Variants in EPHA6 observed in about 807,000 individuals in gnomAD.
EPHA6 encodes the protein EPH receptor A6.
EPHA6 carries 50 observed loss-of-function variants against 112.0 expected under a neutral mutation model. The ratio of observed to expected loss-of-function variants is 0.45; its 90% CI spans 0.36 to 0.56. The LOEUF is 0.56. Ranked by LOEUF, EPHA6 falls within the 20% of genes least tolerant of loss-of-function variation. The probability of loss-of-function intolerance (pLI) is 0.00; values close to 1 mark genes in which losing one functional copy is unlikely to be tolerated. For synonymous variants in EPHA6, 529 were observed against 490.7 expected (o/e 1.08, Z -1.03); for missense variants, 1,280 against 1,417.4 (o/e 0.90, Z 1.56).
At chr3:97,630,982 T>A (rs538730388) in intron 13 of EPHA6, among the ~76,000 whole-genome samples, 100 of 152,116 alleles carry the variant, frequency 6.6e-4, no homozygotes, top group African/African-American at 2.3e-3. Context: ...AATCTCAGTT[T>A]CCATTTTCTC....
In EPHA6 at chr3:97,643,315, C is replaced by T. The variant is rs572203256; in HGVS notation, c.2784+5233C>T. Among the ~76,000 whole-genome samples the T allele has an allele frequency of 3.3e-5, 5 of 151,996 alleles. No individual in the cohort carries two copies. The South Asian group carries it at 6.3e-4, about 19-fold the overall frequency. The stretch of plus-strand genomic sequence containing the variant: ...AGCGCTAAACATGGAAAGGAACAAC[C>T]GGTACCAGCCACTGCAAAATCATGC... On this transcript the variant is annotated intron_variant, in intron 14 of 17. Coordinates refer to ENST00000389672, the MANE Select transcript of EPHA6 (RefSeq NM_001080448.3).
At chr3:97,589,718 A>G (rs894682722) in intron 11 of EPHA6, among the ~76,000 whole-genome samples, 43 of 152,176 alleles carry the variant, frequency 2.8e-4, no homozygotes, top group African/African-American at 9.7e-4. Context: ...GTGAAATGAC[A>G]CATTTTGTAT....
At chr3:96,874,854 G>C (rs893866663) in intron 2 of EPHA6, among the ~76,000 whole-genome samples, 3 of 152,080 alleles carry the variant, frequency 2.0e-5, no homozygotes, top group Non-Finnish European at 2.9e-5. Context: ...ATGCAGAAGG[G>C]TTAGAGTAGG....
chr3:96,972,479 G>A (rs1009358345), intron 2 of EPHA6, among the ~76,000 whole-genome samples: 8 of 150,946 alleles, frequency 5.3e-5, no homozygotes, highest in Middle Eastern at 3.4e-3. Flanking sequence ...AGGAAGCACA[G>A]GTAAAGACGA....
At chr3:97,018,842 A>G (rs1176846866) in intron 3 of EPHA6, among the ~76,000 whole-genome samples, 3 of 152,096 alleles carry the variant, frequency 2.0e-5, no homozygotes, top group African/African-American at 7.2e-5. Context: ...TCTGCTAAGT[A>G]GCGGGTGTTT....
chr3:97,220,689 C>T (rs775912915), intron 3 of EPHA6, among the ~76,000 whole-genome samples: 23 of 152,112 alleles, frequency 1.5e-4, no homozygotes, highest in Non-Finnish European at 2.4e-4. Flanking sequence ...TCAATTATAT[C>T]CACGTGGTCT....
chr3:96,939,973 T>C (rs2040842165), intron 2 of EPHA6, among the ~76,000 whole-genome samples: 1 of 152,144 alleles, frequency 6.6e-6, no homozygotes, highest in Non-Finnish European at 1.5e-5. Context: ...AGAGACAGTT[T>C]GTTATAATTT....
intron 5 of EPHA6, among the ~76,000 whole-genome samples, chr3:97,247,808 G>T (rs756034873): frequency 2.0e-5 from 3 of 151,990 alleles, no homozygotes; most frequent in South Asian, 4.1e-4. Context: ...ATAGGGAAAA[G>T]AAGTCAGACT....
At chr3:96,918,333 T>C (rs1394697748) in intron 2 of EPHA6, among the ~76,000 whole-genome samples, 14 of 152,202 alleles carry the variant, frequency 9.2e-5, no homozygotes. Flanking sequence ...TCTAATGTTA[T>C]TAACACATGA....
intron 7 of EPHA6, 27 bp from the exon 8 acceptor site, chr3:97,475,325 A>C (rs1193870538): frequency 6.5e-7 from 1 of 1,534,942 alleles, no homozygotes; most frequent in East Asian, 2.3e-5. Context: ...CACCCAGGGA[A>C]ATTTTAATAT....
rs114706202 is a variant in EPHA6, at chr3:97,755,580, T to C, written c.*6879T>C. Among the ~76,000 whole-genome samples, 2,221 of 152,296 alleles carry C rather than the reference T, an allele frequency of 0.015. 49 individuals carry two copies. The highest frequency in any genetic ancestry group is 0.051 in the African/African-American group (2,105 of 41,572). On this transcript the variant is annotated 3_prime_UTR_variant, in exon 18 of 18. Transcript: ENST00000389672. ...GGGTCTCCATCTCATTATCCCTCGC[T>C]GAAGTGAGAACTATCTTTATCCCAA...
In EPHA6 at chr3:97,752,222, G is replaced by A. The variant is rs111441691; in HGVS notation, c.*3521G>A. 1 of 222,454 alleles carries A rather than the reference G, an allele frequency of 4.5e-6. No individual in the cohort carries two copies. Among genetic ancestry groups the A allele is most frequent in the African/African-American group, 2.2e-5 (1 of 44,770 alleles). The allele number at this position is 222,454 out of a possible 1,614,324, so 13.8% of individuals were successfully genotyped here. On this transcript the variant is annotated 3_prime_UTR_variant, in exon 18 of 18. Coordinates refer to ENST00000389672, the MANE Select transcript of EPHA6 (RefSeq NM_001080448.3). ...TTAAAACCTATCTCAGCCCATGAAT[G>A]GAAAACAAATCCAAATCCGATCCTT...
rs139601065 is a variant in EPHA6 at position 97,092,144 on chromosome 3, C to T, written c.1114+104151C>T. Among the ~76,000 whole-genome samples the T allele has an allele frequency of 9.6e-4, 145 of 150,428 alleles. 1 individual carries two copies. Among genetic ancestry groups the T allele is most frequent in the African/African-American group, 3.4e-3 (141 of 40,974 alleles). ...AACATATTATCACCACATGTAACAA[C>T]GTAAACAAAAGATAGAACGTTTTCC... On this transcript the variant is annotated intron_variant, in intron 3 of 17. Transcript: ENST00000389672.
chr3:97,452,717 A>C (rs985033098), intron 7 of EPHA6, among the ~76,000 whole-genome samples: 1 of 151,714 alleles, frequency 6.6e-6, no homozygotes, highest in Non-Finnish European at 1.5e-5. Flanking sequence ...AATTTTCTCA[A>C]GATTAAAATA....
At chr3:97,038,560 G>A (rs1019846905) in intron 3 of EPHA6, among the ~76,000 whole-genome samples, 3 of 152,022 alleles carry the variant, frequency 2.0e-5, no homozygotes, top group Non-Finnish European at 2.9e-5. Flanking sequence ...TTCATTCACT[G>A]ATAGGCAATG....
intron 3 of EPHA6, among the ~76,000 whole-genome samples, chr3:97,054,179 C>CA (rs2045778585): frequency 6.6e-6 from 1 of 151,968 alleles, no homozygotes; most frequent in Admixed American, 6.6e-5. Flanking sequence ...CACACACACA[C>CA]ACACACACAC....
chr3:97,621,891 A>G (rs1331266613), intron 13 of EPHA6, among the ~76,000 whole-genome samples: 4 of 151,858 alleles, frequency 2.6e-5, no homozygotes, highest in Middle Eastern at 3.2e-3. Context: ...GATTGCAGAG[A>G]GCAAAAATGA....
intron 11 of EPHA6, among the ~76,000 whole-genome samples, chr3:97,580,737 G>A (rs1274511602): frequency 3.9e-5 from 6 of 152,140 alleles, no homozygotes; most frequent in Non-Finnish European, 8.8e-5. Context: ...CCTATTATCA[G>A]GAATGAGTGT....
At chr3:96,995,669 A>G (rs765190410) in intron 3 of EPHA6, among the ~76,000 whole-genome samples, 1 of 152,166 alleles carries the variant, frequency 6.6e-6, no homozygotes, top group Non-Finnish European at 1.5e-5. Flanking sequence ...AGTGAATATA[A>G]AAGTTATATT....
Sources: gnomAD v4.1 joint callset for allele counts (sites outside exome capture counted in the v4.1 genomes callset) on GRCh38, gnomAD v4.1.1 for gene constraint, MANE v1.5 for transcripts, NCBI Gene and HGNC (gene_info 2026-07-23, HGNC 2026-07-21) for gene names.